Variants in PIEZO1 observed in about 807,000 individuals in gnomAD.
PIEZO1 encodes piezo-type mechanosensitive ion channel component 1.
Under a neutral mutation model 297.2 loss-of-function variants are expected in PIEZO1, and 296 were observed. The ratio of observed to expected loss-of-function variants is 1.00; its 90% CI spans 0.91 to 1.10. The LOEUF is 1.10. Among genes scored for constraint, PIEZO1 ranks in the 50% least tolerant of loss-of-function variants. PIEZO1 has a pLI of 0.00. For synonymous variants in PIEZO1, 2,427 were observed against 1,507.5 expected (o/e 1.61, Z -14.13); for missense variants, 5,018 against 3,455.5 (o/e 1.45, Z -11.34).
At chr16:88,766,317 GCACAGCCTGGACTCGAGA>G (rs1174378807) in intron 1 of PIEZO1, among the ~76,000 whole-genome samples, 5 of 152,198 alleles carry the variant, frequency 3.3e-5, no homozygotes, top group African/African-American at 7.2e-5. Flanking sequence ...CGGCCTGAGC[GCACAGCCTGGACTCGAGA>G]CTGCAACAGC....
chr16:88,726,998 C>G, intron 24 of PIEZO1, 40 bp from the exon 25 acceptor site: 4 of 1,549,042 alleles, frequency 2.6e-6, no homozygotes, highest in Non-Finnish European at 3.5e-6. Context: ...CCCGGCCACC[C>G]CTCCCAGAAG....
Position 88,731,707 on chromosome 16 carries a change from A to C in PIEZO1, c.3195T>G (p.Ile1065Met). Reference sequence around the variant, plus strand: ...CCACCCAAGCCACGTGCCCCTCACCAATGCACAGGGCCGGGGGCATCCCCA... The same window carrying C: ...CCACCCAAGCCACGTGCCCCTCACCCATGCACAGGGCCGGGGGCATCCCCA... ...LCLGMPPALC[I>M]DYPWRWSRAV... The change falls in exon 22 of 51, where the codon ATT becomes ATG. Residue 1065 changes from isoleucine (I) to methionine (M), a missense_variant and splice_region_variant. Coordinates refer to ENST00000301015, the MANE Select transcript of PIEZO1 (RefSeq NM_001142864.4). The C allele has an allele frequency of 1.3e-6, 2 of 1,549,008 alleles. No homozygotes were observed. Among genetic ancestry groups the C allele is most frequent in the African/African-American group, 2.7e-5 (2 of 73,008 alleles).
At chr16:88,716,933 T>C (rs1409147528) in intron 45 of PIEZO1, 35 bp from the exon 46 acceptor site, 1 of 1,547,954 alleles carries the variant, frequency 6.5e-7, no homozygotes, top group Admixed American at 2.0e-5. Context: ...GCCACGAAGA[T>C]GAGCGTGGAG....
Position 88,716,357 on chromosome 16 carries a change from T to TCA in PIEZO1, c.7049+2_7049+3dup. 4.6e-6 allele frequency: 7 copies of TCA among 1,528,892 alleles called. No homozygotes were observed. The highest frequency in any genetic ancestry group is 6.2e-6 in the Non-Finnish European group (7 of 1,133,744). 94.7% of individuals were successfully genotyped at this position (1,528,892 alleles called of 1,614,324 possible). On this transcript the variant is annotated splice_donor_region_variant and intron_variant, in intron 48 of 50. Coordinates refer to ENST00000301015, the MANE Select transcript of PIEZO1 (RefSeq NM_001142864.4). ...CCTGCCCACCACCCGGGCCCTTCAC[T>TCA]CACACAGACTGGTCCGAGGTGCCCT...
rs114034093 is a variant in PIEZO1 at position 88,722,604 on chromosome 16, T to G, written c.4754A>C (p.Asn1585Thr). ...CTACCTGGACACGGTGCTTGGGGCA[T>G]TGGGGGCCTCGGTGGGGCCTGGCAG... ...ATLPGPTEAP[N>T]APSTVSSGLG... Residue 1585 changes from asparagine (N) to threonine (T), a missense_variant, in exon 35 of 51, where the codon AAT (asparagine) becomes ACT (threonine). Coordinates refer to ENST00000301015, the MANE Select transcript of PIEZO1 (RefSeq NM_001142864.4). 2 of 1,537,284 alleles carry G rather than the reference T, an allele frequency of 1.3e-6. No individual in the cohort carries two copies. The highest frequency in any genetic ancestry group is 1.7e-6 in the Non-Finnish European group (2 of 1,144,850).
chr16:88,735,372 C>G (rs117574352), intron 12 of PIEZO1, 126 bp from the exon 13 acceptor site: 2 of 680,244 alleles, frequency 2.9e-6, no homozygotes. Flanking sequence ...GCCCATCCAC[C>G]GCAGCCTCCC....
intron 1 of PIEZO1, among the ~76,000 whole-genome samples, chr16:88,773,761 C>T (rs1907531675): frequency 6.6e-6 from 1 of 151,970 alleles, no homozygotes; most frequent in South Asian, 2.1e-4. Context: ...ACAGCAGCTG[C>T]CTACTGGGGG....
At chr16:88,727,341 T>A in intron 23 of PIEZO1, 149 bp from the exon 24 acceptor site, 1 of 942,510 alleles carries the variant, frequency 1.1e-6, no homozygotes, top group Non-Finnish European at 1.5e-6. Context: ...CGGGTGTCCC[T>A]GGGGGAGCCC....
At chr16:88,777,565 C>G (rs1907722473) in intron 1 of PIEZO1, among the ~76,000 whole-genome samples, 1 of 152,358 alleles carries the variant, frequency 6.6e-6, no homozygotes, top group South Asian at 2.1e-4. Flanking sequence ...AAGTAAATCC[C>G]CGCTGAGGCA....
chr16:88,766,062 C>A (rs1428119746), intron 1 of PIEZO1, among the ~76,000 whole-genome samples: 1 of 152,296 alleles, frequency 6.6e-6, no homozygotes, highest in Non-Finnish European at 1.5e-5. Context: ...TGTTCTCAGT[C>A]GGCAGCGTGG....
In PIEZO1 at chr16:88,722,963, C is replaced by T. The variant is rs1355261277; in HGVS notation, c.4542G>A (p.Leu1514=). The change falls in exon 34 of 51, where the codon CTG becomes CTA. Residue 1514 remains leucine, a synonymous_variant. Coordinates refer to ENST00000301015, the MANE Select transcript of PIEZO1 (RefSeq NM_001142864.4). ...VQRVLSTAQF[L]WMLGQALVDE... The stretch of plus-strand genomic sequence containing the variant: ...CCACTAGCGCCTGCCCCAGCATCCA[C>T]AGGAACTGCGCCGTGCTCAGCACCC... 3.2e-6 allele frequency: 5 copies of T among 1,548,966 alleles called. No homozygotes were observed. Among genetic ancestry groups the T allele is most frequent in the East Asian group, 2.4e-5 (1 of 40,934 alleles).
At chr16:88,726,259 G>T (rs1023910079) in intron 27 of PIEZO1, 25 bp downstream of exon 27, 2 of 1,535,564 alleles carry the variant, frequency 1.3e-6, no homozygotes, top group South Asian at 2.4e-5. Context: ...CGGGAGCTCT[G>T]GGCTGTGTCT....
rs1408284113 is a variant in PIEZO1, at chr16:88,774,949, G to T, written c.64+9952C>A. Among the ~76,000 whole-genome samples the T allele has an allele frequency of 3.9e-5, 6 of 152,226 alleles. No homozygotes were observed. The East Asian group carries it at 1.2e-3, about 29-fold the overall frequency. On this transcript the variant is annotated intron_variant, in intron 1 of 50. Coordinates refer to ENST00000301015, the MANE Select transcript of PIEZO1 (RefSeq NM_001142864.4). ...CAAAGGAAGGAAAAACAGGCGCAAA[G>T]ATAGTGGCTATGTAACGACAGGGCG...
Position 88,734,484 on chromosome 16 carries a change from G to C in PIEZO1, c.2052C>G (p.Ile684Met), listed in dbSNP as rs1247171574. ...QFSVSELFSSILVPGFFLLAC... is the reference protein window; with the variant it reads ...QFSVSELFSSMLVPGFFLLAC... ...CCAGGAGGAAGAAGCCGGGCACCAG[G>C]ATGCTGGAGAAGAGCTCGGACACGC... The change falls in exon 16 of 51, where the codon ATC becomes ATG. Residue 684 changes from isoleucine (I) to methionine (M), a missense_variant. By Grantham distance (10) the Ile-to-Met change is conservative. Coordinates refer to ENST00000301015, the MANE Select transcript of PIEZO1 (RefSeq NM_001142864.4). 6.5e-6 allele frequency: 10 copies of C among 1,549,420 alleles called. 1 individual carries two copies. In the South Asian group the frequency reaches 1.1e-4, roughly 17 times the overall value.
In PIEZO1 at chr16:88,716,535, C is replaced by A. The variant is rs751000081; in HGVS notation, c.6926+24G>T. 5.2e-6 allele frequency: 8 copies of A among 1,537,084 alleles called. No individual in the cohort carries two copies. In the Admixed American group the frequency reaches 9.9e-5, roughly 19 times the overall value. Reference sequence around the variant, plus strand: ...ACTGTAGTGGGTCCACCCACCCAGGCACTGCCCCAAGTCCAGGACGAACCT... The same window carrying A: ...ACTGTAGTGGGTCCACCCACCCAGGAACTGCCCCAAGTCCAGGACGAACCT... On this transcript the variant is annotated intron_variant, in intron 47 of 50. Transcript: ENST00000301015.
intron 5 of PIEZO1, chr16:88,741,270 G>T: frequency 1.9e-6 from 1 of 527,480 alleles, no homozygotes; most frequent in Non-Finnish European, 3.4e-6. Flanking sequence ...TCTGACTAGA[G>T]GCAGAGCCCG....
chr16:88,727,765 A>G, intron 22 of PIEZO1, 104 bp from the exon 23 acceptor site: 1 of 532,470 alleles, frequency 1.9e-6, no homozygotes, highest in South Asian at 3.3e-5. Flanking sequence ...CTCAGGGTCC[A>G]TGGGAATCAC....
Position 88,721,444 on chromosome 16 carries a change from G to T in PIEZO1, c.5404-14C>A. On this transcript the variant is annotated splice_polypyrimidine_tract_variant and intron_variant, in intron 38 of 50. Transcript: ENST00000301015. ...GAGGCCATAGCACTGAGGGGCGGGAGGGTGTGGTGAGGGGGCCTTGCCTCC... is the reference window on the plus strand; with the variant it reads ...GAGGCCATAGCACTGAGGGGCGGGATGGTGTGGTGAGGGGGCCTTGCCTCC... 6.5e-7 allele frequency: 1 copy of T among 1,543,132 alleles called. No homozygotes were observed. Among genetic ancestry groups the T allele is most frequent in the African/African-American group, 1.4e-5 (1 of 72,970 alleles).
Position 88,726,698 on chromosome 16 carries a change from G to T in PIEZO1, c.3699+17C>A, listed in dbSNP as rs904328242. The T allele has an allele frequency of 9.8e-6, 13 of 1,327,486 alleles. No individual in the cohort carries two copies. Among genetic ancestry groups the T allele is most frequent in the African/African-American group, 1.4e-5 (1 of 71,036 alleles). 82.2% of individuals were successfully genotyped at this position (1,327,486 alleles called of 1,614,324 possible). On this transcript the variant is annotated intron_variant, in intron 25 of 50. Transcript: ENST00000301015. ...CGGGGCCCCAGGGCGGTGGGTGCGG[G>T]GGGGCCGGAGGCTCACCGACAGCAT...
Sources: allele counts gnomAD v4.1 joint callset (sites outside exome capture counted in the v4.1 genomes callset), GRCh38; gene constraint gnomAD v4.1.1; transcripts MANE v1.5; gene names NCBI Gene and HGNC (gene_info 2026-07-23, HGNC 2026-07-21).